The following ARHGEF28 variants were observed in gnomAD, a reference collection of about 807,000 sequenced individuals.
ARHGEF28 encodes 190 kDa guanine nucleotide exchange factor.
In ARHGEF28, 152 loss-of-function variants were observed where a neutral mutation model predicts 206.6. The observed-to-expected ratio is 0.74, with a 90% CI of 0.64 to 0.84. The LOEUF (loss-of-function observed/expected upper bound fraction) is 0.84, where lower values mean the gene tolerates loss of function less well. Among genes scored for constraint, ARHGEF28 ranks in the 40% least tolerant of loss-of-function variants. The probability of loss-of-function intolerance (pLI) is 0.00; values close to 1 mark genes in which losing one functional copy is unlikely to be tolerated. For missense variants in ARHGEF28, 2,028 were observed against 2,073.2 expected, an observed-to-expected ratio of 0.98 and a Z score of 0.42; for synonymous variants, 763 against 776.4, an observed-to-expected ratio of 0.98 and a Z score of 0.29.
chr5:73,851,153 G>C (rs1244364550), intron 13 of ARHGEF28, among the ~76,000 whole-genome samples: 1 of 152,142 alleles, frequency 6.6e-6, no homozygotes, highest in Non-Finnish European at 1.5e-5. Flanking sequence ...TAGTCGGCTT[G>C]GATTAATCAA....
chr5:73,734,158 TAA>T (rs1319374713), intron 2 of ARHGEF28, among the ~76,000 whole-genome samples: 23 of 151,004 alleles, frequency 1.5e-4, no homozygotes, highest in African/African-American at 5.4e-4. Flanking sequence ...CTAAACTATA[TAA>T]GAGGGTAAAA....
chr5:73,911,625 C>A, intron 35 of ARHGEF28, 50 bp downstream of exon 35: 1 of 1,504,922 alleles, frequency 6.6e-7, no homozygotes, highest in East Asian at 2.5e-5. Flanking sequence ...AGAAGTTGTC[C>A]CTCTGAATGG....
At chr5:73,932,183 TAA>T (rs1423637099) in intron 35 of ARHGEF28, among the ~76,000 whole-genome samples, 1 of 152,232 alleles carries the variant, frequency 6.6e-6, no homozygotes, top group Non-Finnish European at 1.5e-5. Context: ...TGTAAACTAC[TAA>T]AGTTTGATAT....
intron 1 of ARHGEF28, among the ~76,000 whole-genome samples, chr5:73,656,120 C>T (rs2112177034): frequency 6.6e-6 from 1 of 152,342 alleles, no homozygotes; most frequent in Middle Eastern, 3.4e-3. Context: ...GCCGAAAAGC[C>T]TCCCTTCTTC....
intron 1 of ARHGEF28, among the ~76,000 whole-genome samples, chr5:73,655,719 G>A (rs1270784350): frequency 6.6e-6 from 1 of 152,170 alleles, no homozygotes; most frequent in Non-Finnish European, 1.5e-5. Context: ...TGGTCCACAG[G>A]GAGCCAGGGG....
intron 4 of ARHGEF28, among the ~76,000 whole-genome samples, chr5:73,771,547 C>CA (rs59263206): frequency 0.28 from 39,247 of 139,708 alleles, 5,227 homozygotes; most frequent in Non-Finnish European, 0.29. Flanking sequence ...GACTCCATCT[C>CA]AAAAAAAAAA....
intron 34 of ARHGEF28, 93 bp from the exon 35 acceptor site, chr5:73,911,182 C>A: frequency 2.4e-6 from 3 of 1,258,002 alleles, no homozygotes; most frequent in Non-Finnish European, 1.1e-6. Context: ...TTACTGAAAT[C>A]TTGATTCCTA....
intron 4 of ARHGEF28, among the ~76,000 whole-genome samples, chr5:73,755,318 G>A (rs1055631404): frequency 6.6e-6 from 1 of 151,364 alleles, no homozygotes; most frequent in Non-Finnish European, 1.5e-5. Flanking sequence ...TGTTTTTTTG[G>A]GGGGGTGTGG....
intron 31 of ARHGEF28, chr5:73,902,715 C>T (rs937567343): frequency 2.0e-5 from 3 of 152,140 alleles, no homozygotes; most frequent in African/African-American, 7.2e-5. Context: ...GGATAAATCG[C>T]CAACTGCAGT....
rs904790658 is a variant in ARHGEF28 at position 73,737,467 on chromosome 5, CT to C, written c.34-12366del. 2.3e-4 allele frequency among the ~76,000 whole-genome samples: 18 copies of C among 79,442 alleles called. No homozygotes were observed. The Admixed American group carries it at 2.6e-3, about 11-fold the overall frequency. 52.1% of individuals were successfully genotyped at this position (79,442 alleles called of 152,430 possible). A position where few individuals can be genotyped will look rare whatever the true frequency, so the allele number is the denominator to read the frequency against. ...CTTTTCTTTTCTTTTCTTTTCTTTT[CT>C]TTTCTTTTCTTTTCTTTTCTTTTCT... is the stretch of plus-strand genomic sequence containing the variant. On this transcript the variant is annotated intron_variant, in intron 2 of 35. Coordinates refer to ENST00000513042, the MANE Select transcript of ARHGEF28 (RefSeq NM_001177693.2).
intron 1 of ARHGEF28, among the ~76,000 whole-genome samples, chr5:73,656,491 A>C (rs1745209702): frequency 6.6e-6 from 1 of 152,178 alleles, no homozygotes; most frequent in Non-Finnish European, 1.5e-5. Flanking sequence ...CCAAATTGTC[A>C]GGAAATCCTA....
intron 7 of ARHGEF28, among the ~76,000 whole-genome samples, chr5:73,789,579 A>AT (rs1255945844): frequency 6.6e-6 from 1 of 152,216 alleles, no homozygotes; most frequent in East Asian, 1.9e-4. Flanking sequence ...ATTATACCTT[A>AT]ATAAAGCTGT....
At chr5:73,898,140 G>A (rs1762068262) in intron 30 of ARHGEF28, 47 bp downstream of exon 30, 2 of 1,592,648 alleles carry the variant, frequency 1.3e-6, no homozygotes, top group East Asian at 4.5e-5. Flanking sequence ...CACAGTCCCT[G>A]GAGCTTACAG....
At chr5:73,852,505 C>T in intron 13 of ARHGEF28, 145 bp from the exon 14 acceptor site, 1 of 716,400 alleles carries the variant, frequency 1.4e-6, no homozygotes. Context: ...CAATGCCTTA[C>T]TTATATAAGG....
chr5:73,754,808 T>G (rs1166028185), intron 4 of ARHGEF28, among the ~76,000 whole-genome samples: 4 of 152,074 alleles, frequency 2.6e-5, no homozygotes, highest in Non-Finnish European at 5.9e-5. Context: ...GTGATCCTAC[T>G]GCCTCAGATT....
intron 35 of ARHGEF28, among the ~76,000 whole-genome samples, chr5:73,929,871 T>G (rs1239042742): frequency 2.6e-5 from 4 of 152,204 alleles, no homozygotes; most frequent in Non-Finnish European, 4.4e-5. Context: ...AATATCATAA[T>G]TTTTTGTTTT....
intron 4 of ARHGEF28, among the ~76,000 whole-genome samples, chr5:73,756,079 G>T (rs1159365774): frequency 6.6e-6 from 1 of 152,114 alleles, no homozygotes; most frequent in East Asian, 1.9e-4. Context: ...GTGAGACTTG[G>T]GCAAGGTATT....
At chr5:73,892,454 G>T (rs1761702172) in intron 27 of ARHGEF28, among the ~76,000 whole-genome samples, 1 of 152,152 alleles carries the variant, frequency 6.6e-6, no homozygotes, top group Non-Finnish European at 1.5e-5. Flanking sequence ...GCCGGGCGTT[G>T]ATGCAGCTCG....
At chr5:73,904,036 G>T in intron 31 of ARHGEF28, 186 bp from the exon 32 acceptor site, 4 of 604,732 alleles carry the variant, frequency 6.6e-6, no homozygotes, top group Non-Finnish European at 1.1e-5. Flanking sequence ...GGACGCTCTT[G>T]TTGTCAAGTG....
Sources: allele counts gnomAD v4.1 joint callset (sites outside exome capture counted in the v4.1 genomes callset), GRCh38; gene constraint gnomAD v4.1.1; transcripts MANE v1.5; gene names NCBI Gene and HGNC (gene_info 2026-07-23, HGNC 2026-07-21).